ADGRL3: variants seen among roughly 807,000 people sequenced by gnomAD.
ADGRL3 encodes the protein calcium-independent alpha-latrotoxin receptor 3.
Under a neutral mutation model 153.5 loss-of-function variants are expected in ADGRL3, and 62 were observed. That is an observed-to-expected ratio of 0.40 (90% CI 0.33 to 0.50). The LOEUF is 0.50. Among genes scored for constraint, ADGRL3 ranks in the 20% least tolerant of loss-of-function variants. The pLI is 0.47. For missense variants in ADGRL3, 1,641 were observed against 1,859.4 expected (o/e 0.88, Z 2.16); for synonymous variants, 710 against 672.5 (o/e 1.06, Z -0.86).
chr4:61,343,342 T>C (rs1223265632), intron 1 of ADGRL3, among the ~76,000 whole-genome samples: 2 of 152,216 alleles, frequency 1.3e-5, no homozygotes, highest in African/African-American at 4.8e-5. Flanking sequence ...TGTCAATACA[T>C]TGATTTTCTT....
intron 9 of ADGRL3, among the ~76,000 whole-genome samples, chr4:61,839,896 G>A (rs1319938635): frequency 1.3e-5 from 2 of 151,112 alleles, no homozygotes; most frequent in Non-Finnish European, 2.9e-5. Flanking sequence ...GCTGCAGGGA[G>A]CCATGATTAG....
chr4:61,245,650 T>C (rs1037984693), intron 1 of ADGRL3, among the ~76,000 whole-genome samples: 1 of 152,124 alleles, frequency 6.6e-6, no homozygotes, highest in Non-Finnish European at 1.5e-5. Flanking sequence ...GTTTAGTAAA[T>C]CAATGCCTGT....
At chr4:61,993,929 C>CA (rs564439613) in intron 19 of ADGRL3, among the ~76,000 whole-genome samples, 120 of 152,028 alleles carry the variant, frequency 7.9e-4, no homozygotes, top group African/African-American at 2.8e-3. Flanking sequence ...ACTAATTATC[C>CA]AAAAAAACCA....
chr4:61,784,125 T>C (rs1487643911), intron 8 of ADGRL3, among the ~76,000 whole-genome samples: 2 of 152,130 alleles, frequency 1.3e-5, no homozygotes, highest in Non-Finnish European at 2.9e-5. Context: ...GCTCAATATT[T>C]TTCATCAATA....
intron 6 of ADGRL3, among the ~76,000 whole-genome samples, chr4:61,703,299 G>A (rs1407391788): frequency 7.9e-6 from 1 of 127,338 alleles, no homozygotes; most frequent in Non-Finnish European, 2.0e-5. Flanking sequence ...AATCTTGGTT[G>A]ATATTTTTTT....
At chr4:61,923,674 AC>A (rs1303112464) in intron 13 of ADGRL3, among the ~76,000 whole-genome samples, 1 of 152,044 alleles carries the variant, frequency 6.6e-6, no homozygotes, top group Admixed American at 6.6e-5. Context: ...TGAAGTCAAC[AC>A]CCACTTCGTA....
chr4:61,547,190 G>T (rs1460049839), intron 4 of ADGRL3, among the ~76,000 whole-genome samples: 2 of 151,680 alleles, frequency 1.3e-5, no homozygotes, highest in Non-Finnish European at 2.9e-5. Flanking sequence ...CTAAAGAACT[G>T]GTTGTTAAAT....
intron 2 of ADGRL3, among the ~76,000 whole-genome samples, chr4:61,405,907 A>T (rs1045955999): frequency 1.3e-5 from 2 of 152,010 alleles, no homozygotes; most frequent in African/African-American, 4.8e-5. Context: ...CCTACCAGAA[A>T]TACTCTTTGC....
intron 9 of ADGRL3, among the ~76,000 whole-genome samples, chr4:61,887,769 C>T (rs2098547861): frequency 6.6e-6 from 1 of 152,136 alleles, no homozygotes; most frequent in Admixed American, 6.5e-5. Context: ...CACTTGAACC[C>T]AGGAGGTGGA....
chr4:61,778,488 AT>A (rs1580783489), intron 8 of ADGRL3, among the ~76,000 whole-genome samples: 2 of 152,236 alleles, frequency 1.3e-5, no homozygotes, highest in African/African-American at 4.8e-5. Context: ...AGAGTCAACC[AT>A]TCTAACCAGA....
chr4:61,999,506 C>G (rs1448526690), intron 21 of ADGRL3, among the ~76,000 whole-genome samples: 1 of 152,130 alleles, frequency 6.6e-6, no homozygotes, highest in Non-Finnish European at 1.5e-5. Flanking sequence ...ATTGCATTTT[C>G]ATATAATTTG....
chr4:61,206,197 T>C (rs548989317), intron 1 of ADGRL3, among the ~76,000 whole-genome samples: 1 of 152,334 alleles, frequency 6.6e-6, no homozygotes, highest in South Asian at 2.1e-4. Flanking sequence ...TTTTAATGAA[T>C]GTCTTCATAA....
chr4:61,917,373 G>A (rs2098749683), intron 13 of ADGRL3, among the ~76,000 whole-genome samples: 1 of 152,128 alleles, frequency 6.6e-6, no homozygotes, highest in African/African-American at 2.4e-5. Flanking sequence ...AGGTAAAATG[G>A]TATGTGATAA....
At chr4:61,469,150 GT>G (rs1449582195) in intron 2 of ADGRL3, among the ~76,000 whole-genome samples, 2 of 152,054 alleles carry the variant, frequency 1.3e-5, no homozygotes, top group African/African-American at 4.8e-5. Flanking sequence ...TAGAAGGGCA[GT>G]ATTACCTTCT....
chr4:61,911,917 A>G (rs182961377), intron 12 of ADGRL3, among the ~76,000 whole-genome samples: 1 of 152,296 alleles, frequency 6.6e-6, no homozygotes, highest in African/African-American at 2.4e-5. Context: ...AACATGGTGG[A>G]TGAACTGTTA....
At chr4:61,670,229 G>A (rs1275126185) in intron 5 of ADGRL3, among the ~76,000 whole-genome samples, 1 of 152,034 alleles carries the variant, frequency 6.6e-6, no homozygotes, top group Non-Finnish European at 1.5e-5. Context: ...AGGAGTTGGA[G>A]GTTGCAGTGA....
chr4:61,317,746 A>G (rs1328057837), intron 1 of ADGRL3, among the ~76,000 whole-genome samples: 1 of 152,178 alleles, frequency 6.6e-6, no homozygotes, highest in Non-Finnish European at 1.5e-5. Context: ...TAGAGTAACC[A>G]GAGTCTATAT....
intron 9 of ADGRL3, among the ~76,000 whole-genome samples, chr4:61,883,469 C>G (rs1026593824): frequency 8.5e-5 from 13 of 152,080 alleles, no homozygotes; most frequent in African/African-American, 2.9e-4. Context: ...ATATACTTTG[C>G]TAGGTACTTT....
At chr4:61,364,663 G>A (rs1326932178) in intron 1 of ADGRL3, among the ~76,000 whole-genome samples, 1 of 152,136 alleles carries the variant, frequency 6.6e-6, no homozygotes, top group Non-Finnish European at 1.5e-5. Context: ...ATAAGTAAAT[G>A]AAGCCATTAA....
Sources: gnomAD v4.1 joint callset for allele counts (sites outside exome capture counted in the v4.1 genomes callset) on GRCh38, gnomAD v4.1.1 for gene constraint, MANE v1.5 for transcripts, NCBI Gene and HGNC (gene_info 2026-07-23, HGNC 2026-07-21) for gene names.